SNCB: variants seen among roughly 807,000 people sequenced by gnomAD.
SNCB encodes beta-synuclein.
In SNCB, 8 loss-of-function variants were observed where a neutral mutation model predicts 20.0. The ratio of observed to expected loss-of-function variants is 0.40; its 90% confidence interval spans 0.24 to 0.72. The LOEUF (loss-of-function observed/expected upper bound fraction) is 0.72. Ranked by LOEUF, SNCB falls within the 30% of genes least tolerant of loss-of-function variation. The pLI is 0.37. For synonymous variants in SNCB, 56 were observed against 65.4 expected (o/e 0.86, Z 0.69); for missense variants, 125 against 168.0 (o/e 0.74, Z 1.41).
At position 176,620,847 on chromosome 5, in the gene SNCB, C is replaced by A; in HGVS notation, c.373-4G>T. 1.2e-6 allele frequency: 2 copies of A among 1,613,664 alleles called. No individual in the cohort carries two copies. The highest frequency in any genetic ancestry group is 1.7e-6 in the Non-Finnish European group (2 of 1,179,658). The stretch of plus-strand genomic sequence containing the variant: ...GCTCATACTCCTGATATTCCTCCTG[C>A]ATCACCGGGATGGGGGTGGAGTAGA... On this transcript the variant is annotated splice_polypyrimidine_tract_variant and splice_region_variant and intron_variant, in intron 5 of 5. Coordinates refer to ENST00000393693, the MANE Select transcript of SNCB (RefSeq NM_003085.5). This position sits in a 1 kb window ranked among gnomAD's most constrained non-coding sequence, Gnocchi z 4.5.
Position 176,626,335 on chromosome 5 carries a change from GGTGTGTGTGTGTGT to G in SNCB, c.282+49_282+62del. ...TGGTGACAGGTTTATTTGTGTGCCT[GGTGTGTGTGTGTGT>G]GTGTGTGTGTGTGTTTGCCTGCATG... On this transcript the variant is annotated intron_variant, in intron 4 of 5. Transcript: ENST00000393693. This position sits in a 1 kb window ranked among gnomAD's most constrained non-coding sequence, Gnocchi z 4.2. The G allele has an allele frequency of 4.6e-6, 4 of 863,470 alleles. No individual in the cohort carries two copies. The highest frequency in any genetic ancestry group is 7.9e-6 in the Non-Finnish European group (4 of 507,896). 53.5% of individuals were successfully genotyped at this position (863,470 alleles called of 1,614,324 possible). A position where few individuals can be genotyped will look rare whatever the true frequency, so the allele number is the denominator to read the frequency against.
chr5:176,623,385 T>TA (rs930086473), intron 4 of SNCB, among the ~76,000 whole-genome samples: 11 of 150,982 alleles, frequency 7.3e-5, no homozygotes, highest in African/African-American at 2.4e-4. Context: ...AGACTCCGTC[T>TA]AAAAAAAAAG....
rs1448566059 is a variant in SNCB at position 176,629,922 on chromosome 5, G to A, written c.-9-259C>T. ...TCCGGGCCCTGCAAACTGCAGCCCC[G>A]TCGAACCGGAGTGCTGGGTTCGGCG... On this transcript the variant is annotated intron_variant, in intron 1 of 5. Coordinates refer to ENST00000393693, the MANE Select transcript of SNCB (RefSeq NM_003085.5). This position sits in a 1 kb window ranked among gnomAD's most constrained non-coding sequence, Gnocchi z 4.1. The A allele has an allele frequency of 2.5e-5, 11 of 446,252 alleles. No individual in the cohort carries two copies. The highest frequency in any genetic ancestry group is 1.2e-4 in the South Asian group (4 of 34,688). 27.6% of individuals were successfully genotyped at this position (446,252 alleles called of 1,614,324 possible).
chr5:176,622,960 C>G (rs1363648164), intron 4 of SNCB, among the ~76,000 whole-genome samples: 1 of 151,740 alleles, frequency 6.6e-6, no homozygotes, highest in African/African-American at 2.4e-5. Context: ...TGTTCTCAAA[C>G]TCCTGACCTC....
chr5:176,625,861 C>T (rs1257909485), intron 4 of SNCB, among the ~76,000 whole-genome samples: 2 of 152,186 alleles, frequency 1.3e-5, no homozygotes, highest in Non-Finnish European at 2.9e-5. Context: ...GAGAAGTCTT[C>T]CCAGCCAAAA....
chr5:176,628,570 C>T (rs913121219), intron 2 of SNCB, among the ~76,000 whole-genome samples: 1 of 152,182 alleles, frequency 6.6e-6, no homozygotes, highest in Non-Finnish European at 1.5e-5. Context: ...ATCGCTCTGA[C>T]CTCACCTCCT....
At chr5:176,623,942 G>A (rs1759769772) in intron 4 of SNCB, among the ~76,000 whole-genome samples, 1 of 152,182 alleles carries the variant, frequency 6.6e-6, no homozygotes, top group South Asian at 2.1e-4. Flanking sequence ...AAACGAGGCT[G>A]GTGAGGATTC....
Position 176,620,797 on chromosome 5 carries a change from G to A in SNCB, c.*14C>T, listed in dbSNP as rs971428128. The A allele has an allele frequency of 6.2e-7, 1 of 1,608,606 alleles. No individual in the cohort carries two copies. Among genetic ancestry groups the A allele is most frequent in the Non-Finnish European group, 8.5e-7 (1 of 1,174,992 alleles). On this transcript the variant is annotated 3_prime_UTR_variant, in exon 6 of 6. Coordinates refer to ENST00000393693, the MANE Select transcript of SNCB (RefSeq NM_003085.5). This position sits in a 1 kb window ranked among gnomAD's most constrained non-coding sequence, Gnocchi z 4.5. ...GGACAGAATTGTGCTGCTGGTGGGG[G>A]CTCTCCTGGGCCCCTACGCCTCTGG...
intron 4 of SNCB, among the ~76,000 whole-genome samples, chr5:176,625,796 A>G (rs1414479281): frequency 1.3e-5 from 2 of 152,070 alleles, no homozygotes; most frequent in African/African-American, 4.8e-5. Context: ...CTTCCCACAC[A>G]TCTCAAGGCT....
Position 176,621,894 on chromosome 5 carries a change from C to G in SNCB, c.283-591G>C, listed in dbSNP as rs960207787. ...CGTCTGCTGCCCAGACAGGCGCAGACCAGCGGGCATGCATGTGGGCGGGCT... is the reference window on the plus strand; with the variant it reads ...CGTCTGCTGCCCAGACAGGCGCAGAGCAGCGGGCATGCATGTGGGCGGGCT... On this transcript the variant is annotated intron_variant, in intron 4 of 5. Transcript: ENST00000393693. The surrounding 1 kb of genome is among the most constrained non-coding windows in gnomAD (Gnocchi z 4.1). Among the ~76,000 whole-genome samples the G allele has an allele frequency of 6.6e-6, 1 of 152,260 alleles. No individual in the cohort carries two copies. The highest frequency in any genetic ancestry group is 1.5e-5 in the Non-Finnish European group (1 of 68,042).
In SNCB at chr5:176,629,453, C is replaced by T. The variant is rs746495416; in HGVS notation, c.121+81G>A. On this transcript the variant is annotated intron_variant, in intron 2 of 5. Coordinates refer to ENST00000393693, the MANE Select transcript of SNCB (RefSeq NM_003085.5). This position sits in a 1 kb window ranked among gnomAD's most constrained non-coding sequence, Gnocchi z 4.1. The stretch of plus-strand genomic sequence containing the variant: ...CTCATATTCTCCTGCCCAGAACCCC[C>T]CTCCCCGGGACCCGGCCCCAGCTCC... 4 of 1,497,800 alleles carry T rather than the reference C, an allele frequency of 2.7e-6. No homozygotes were observed. The highest frequency in any genetic ancestry group is 3.7e-6 in the Non-Finnish European group (4 of 1,090,528). The allele number at this position is 1,497,800 out of a possible 1,614,324, so 92.8% of individuals were successfully genotyped here.
In SNCB at chr5:176,626,310, T is replaced by A; in HGVS notation, c.282+88A>T. ...GGTGGCAGGATTAGGGGGGCGGGGA[T>A]GGTGACAGGTTTATTTGTGTGCCTG... On this transcript the variant is annotated intron_variant, in intron 4 of 5. Coordinates refer to ENST00000393693, the MANE Select transcript of SNCB (RefSeq NM_003085.5). This position sits in a 1 kb window ranked among gnomAD's most constrained non-coding sequence, Gnocchi z 4.2. 1.0e-6 allele frequency: 1 copy of A among 966,228 alleles called. No homozygotes were observed. Among genetic ancestry groups the A allele is most frequent in the Non-Finnish European group, 1.7e-6 (1 of 600,968 alleles). 59.9% of individuals were successfully genotyped at this position (966,228 alleles called of 1,614,324 possible).
chr5:176,629,760 C>A lies in SNCB; in HGVS notation c.-9-97G>T, dbSNP rs1227511965. On this transcript the variant is annotated intron_variant, in intron 1 of 5. Transcript: ENST00000393693. This position sits in a 1 kb window ranked among gnomAD's most constrained non-coding sequence, Gnocchi z 4.1. ...AGATGCCCCCCTACTCCCGAGACCG[C>A]GGCGCCCTTCTGGACCCTGAGCCCC... The A allele has an allele frequency of 1.3e-6, 2 of 1,483,278 alleles. No individual in the cohort carries two copies. The highest frequency in any genetic ancestry group is 2.4e-5 in the East Asian group (1 of 41,564). The allele number at this position is 1,483,278 out of a possible 1,614,324, so 91.9% of individuals were successfully genotyped here.
At position 176,629,559 on chromosome 5, in the gene SNCB, C is replaced by T. The variant is rs1760210437; in HGVS notation, c.96G>A (p.Lys32=). Reference sequence around the variant, plus strand: ...CGACGTAGAGGACGCCCTCCTTGGTCTTCTCCGCCGCCTCGGTGACCCCCT... The same window carrying T: ...CGACGTAGAGGACGCCCTCCTTGGTTTTCTCCGCCGCCTCGGTGACCCCCT... ...TKQGVTEAAE[K]TKEGVLYVGS... is the part of the protein sequence containing the mutation. Residue 32 remains lysine (K), a synonymous_variant, in exon 2 of 6, where the codon AAG becomes AAA. Coordinates refer to ENST00000393693, the MANE Select transcript of SNCB (RefSeq NM_003085.5). The surrounding 1 kb of genome is among the most constrained non-coding windows in gnomAD (Gnocchi z 4.1). 3 of 1,611,596 alleles carry T rather than the reference C, an allele frequency of 1.9e-6. No homozygotes were observed. Among genetic ancestry groups the T allele is most frequent in the Non-Finnish European group, 2.5e-6 (3 of 1,178,312 alleles).
intron 4 of SNCB, among the ~76,000 whole-genome samples, chr5:176,622,732 CTTTTT>C (rs149031370): frequency 6.4e-5 from 6 of 93,606 alleles, no homozygotes; most frequent in Admixed American, 1.3e-4. Flanking sequence ...TTCATGATGA[CTTTTT>C]TTTTTTTTTT....
chr5:176,628,234 G>A (rs1275575555), intron 2 of SNCB, among the ~76,000 whole-genome samples: 1 of 152,146 alleles, frequency 6.6e-6, no homozygotes, highest in African/African-American at 2.4e-5. Context: ...GAGGGGCCAA[G>A]TCTATTATCA....
Position 176,629,258 on chromosome 5 carries a change from T to G in SNCB, c.121+276A>C, listed in dbSNP as rs559958093. On this transcript the variant is annotated intron_variant, in intron 2 of 5. Transcript: ENST00000393693. This position sits in a 1 kb window ranked among gnomAD's most constrained non-coding sequence, Gnocchi z 4.1. ...TAACTATTAATAATGGTAAAAAAGA[T>G]AAGAAAAAGGAGGCTGTCTGCTTTC... Among the ~76,000 whole-genome samples, 1 of 152,054 alleles carries G rather than the reference T, an allele frequency of 6.6e-6. No individual in the cohort carries two copies. Among genetic ancestry groups the G allele is most frequent in the African/African-American group, 2.4e-5 (1 of 41,390 alleles).
In SNCB at chr5:176,629,185, A is replaced by G. The variant is rs1760166437; in HGVS notation, c.121+349T>C. Reference sequence around the variant, plus strand: ...AGCATTACATGAGGAAATGGATGTTATGACATTTTACCCAGTACTTGGCAT... The same window carrying G: ...AGCATTACATGAGGAAATGGATGTTGTGACATTTTACCCAGTACTTGGCAT... On this transcript the variant is annotated intron_variant, in intron 2 of 5. Transcript: ENST00000393693. The surrounding 1 kb of genome is among the most constrained non-coding windows in gnomAD (Gnocchi z 4.1). Among the ~76,000 whole-genome samples the G allele has an allele frequency of 1.3e-5, 2 of 152,194 alleles. No homozygotes were observed.
chr5:176,626,600 C>T lies in SNCB; in HGVS notation c.164-84G>A, dbSNP rs1401539347. On this transcript the variant is annotated intron_variant, in intron 3 of 5. Coordinates refer to ENST00000393693, the MANE Select transcript of SNCB (RefSeq NM_003085.5). This position sits in a 1 kb window ranked among gnomAD's most constrained non-coding sequence, Gnocchi z 4.2. ...CTGCCTTGTAGTATCCCAGGGCCTG[C>T]CCTCCCCACGGAGCATTCCCGCAGA... is the stretch of plus-strand genomic sequence containing the variant. 7 of 1,502,534 alleles carry T rather than the reference C, an allele frequency of 4.7e-6. No homozygotes were observed. The highest frequency in any genetic ancestry group is 1.1e-5 in the South Asian group (1 of 88,840). 93.1% of individuals were successfully genotyped at this position (1,502,534 alleles called of 1,614,324 possible). A position where few individuals can be genotyped will look rare whatever the true frequency, so the allele number is the denominator to read the frequency against.
Sources: gnomAD v4.1 joint callset for allele counts (sites outside exome capture counted in the v4.1 genomes callset) on GRCh38, gnomAD v4.1.1 for gene constraint, Gnocchi (gnomAD v3.1) non-coding constraint, MANE v1.5 for transcripts, NCBI Gene and HGNC (gene_info 2026-07-23, HGNC 2026-07-21) for gene names.